Variants in ATG16L2 observed in about 807,000 individuals in gnomAD.
ATG16L2 encodes autophagy related 16 like 2.
Under a neutral mutation model 84.7 loss-of-function variants are expected in ATG16L2, and 77 were observed. The ratio of observed to expected loss-of-function variants is 0.91; its 90% CI spans 0.76 to 1.10. The LOEUF is 1.10. ATG16L2 is among the 50% of genes least tolerant of loss of function. The pLI, the probability that ATG16L2 is intolerant of heterozygous loss-of-function variation, is 0.00. For missense variants in ATG16L2, 782 were observed against 817.6 expected (o/e 0.96, Z 0.53); for synonymous variants, 361 against 342.8 (o/e 1.05, Z -0.59).
chr11:72,834,572 C>T (rs1351203280), downstream of ATG16L2, among the ~76,000 whole-genome samples: 1 of 151,956 alleles, frequency 6.6e-6, no homozygotes, highest in African/African-American at 2.4e-5. Flanking sequence ...TGGGAGATAA[C>T]CTCATTCCAT....
intron 5 of ATG16L2, chr11:72,837,668 C>T (rs1460384212): frequency 2.0e-5 from 3 of 152,232 alleles, no homozygotes; most frequent in Non-Finnish European, 4.4e-5. Context: ...CCTGGTCAAT[C>T]TGTACTTGTG....
Position 72,822,054 on chromosome 11 carries a change from C to G in ATG16L2, c.403C>G (p.Leu135Val). ...LQQRQSRLAA[L>V]EARVAQLREA... ...CTTTCCGTCCTCCAGGCTGGCAGCC[C>G]TGGAGGCCCGCGTGGCGCAGCTGCG... is the stretch of plus-strand genomic sequence containing the variant. The change falls in exon 5 of 18, where the codon CTG becomes GTG. Residue 135 changes from leucine to valine, a missense_variant. Leu to Val is a conservative substitution (Grantham distance 32, BLOSUM62 1). Transcript: ENST00000321297. The surrounding 1 kb of genome is among the most constrained non-coding windows in gnomAD (Gnocchi z 4.2). The G allele has an allele frequency of 2.0e-6, 3 of 1,517,656 alleles. No homozygotes were observed. Among genetic ancestry groups the G allele is most frequent in the Non-Finnish European group, 2.6e-6 (3 of 1,148,382 alleles). The allele number at this position is 1,517,656 out of a possible 1,614,324, so 94.0% of individuals were successfully genotyped here.
Position 72,824,129 on chromosome 11 carries a change from G to A in ATG16L2, c.887+7G>A, listed in dbSNP as rs200822228. 3.1e-6 allele frequency: 5 copies of A among 1,614,190 alleles called. No homozygotes were observed. The African/African-American group carries it at 5.3e-5, about 17-fold the overall frequency. On this transcript the variant is annotated splice_region_variant and intron_variant, in intron 8 of 17. Coordinates refer to ENST00000321297, the MANE Select transcript of ATG16L2 (RefSeq NM_033388.2). ...TGGTGAAGGGGCTTCTGGAGTAAGT[G>A]TGTGTGTGCCTGTGTGTGCACCCAC...
At position 72,817,796 on chromosome 11, in the gene ATG16L2, G is replaced by T. The variant is rs751952468; in HGVS notation, c.259G>T (p.Val87Phe). The change falls in exon 3 of 18, where the codon GTC becomes TTC. Residue 87 changes from valine (V) to phenylalanine (F), a missense_variant. By Grantham distance (50) the Val-to-Phe change is conservative (BLOSUM62 -1). Coordinates refer to ENST00000321297, the MANE Select transcript of ATG16L2 (RefSeq NM_033388.2). ...ELDSDQVPSLVALRVKWQEEE... is the reference protein window; with the variant it reads ...ELDSDQVPSLFALRVKWQEEE... ...TGACTCAGACCAAGTCCCATCACTG[G>T]TCGCACTGAGGGTGAAGTGGCAGGA... The T allele has an allele frequency of 1.9e-6, 3 of 1,613,512 alleles. No homozygotes were observed. The African/African-American group carries it at 4.0e-5, about 22-fold the overall frequency.
downstream of ATG16L2, among the ~76,000 whole-genome samples, chr11:72,834,235 C>G (rs190635340): frequency 6.6e-6 from 1 of 152,124 alleles, no homozygotes; most frequent in Admixed American, 6.5e-5. Context: ...AAAATAAATG[C>G]GAAGATTCAG....
downstream of ATG16L2, among the ~76,000 whole-genome samples, chr11:72,831,518 A>G (rs557500352): frequency 6.6e-6 from 1 of 152,246 alleles, no homozygotes; most frequent in African/African-American, 2.4e-5. Flanking sequence ...CAACAACAAA[A>G]TTCTCTTATT....
chr11:72,842,770 T>C, exon 6 of ATG16L2: 1 of 1,614,006 alleles, frequency 6.2e-7, no homozygotes, highest in Non-Finnish European at 8.5e-7. Context: ...ATACGGATTA[T>C]TGCTCCCTCA....
chr11:72,822,904 C>G lies in ATG16L2; in HGVS notation c.767C>G (p.Ala256Gly). ...GAGAGAAGGGAGACTCTGGCTCTGG[C>G]CCCTGAGCCAGAGCCCCTGGAGAAG... is the stretch of plus-strand genomic sequence containing the variant. ...MRERRETLAL[A>G]PEPEPLEKEA... The change falls in exon 7 of 18, where the codon GCC becomes GGC. Residue 256 changes from alanine to glycine, a missense_variant. Physicochemically the swap from Ala to Gly is moderately conservative, Grantham distance 60 (BLOSUM62 0). Coordinates refer to ENST00000321297, the MANE Select transcript of ATG16L2 (RefSeq NM_033388.2). This position sits in a 1 kb window ranked among gnomAD's most constrained non-coding sequence, Gnocchi z 4.2. The G allele has an allele frequency of 4.4e-6, 7 of 1,579,372 alleles. No individual in the cohort carries two copies. Among genetic ancestry groups the G allele is most frequent in the Non-Finnish European group, 6.0e-6 (7 of 1,162,420 alleles).
rs369306828 is a variant in ATG16L2, at chr11:72,824,814, G to A, written c.968G>A (p.Arg323Gln). ...YQIIPVCVAARLPTRAQDVLD... is the reference protein window; with the variant it reads ...YQIIPVCVAAQLPTRAQDVLD... ...ATCATCCCTGTGTGTGTGGCTGCCCGACTTCCTACCCGGGCTCAGGATGTG... is the reference window on the plus strand; with the variant it reads ...ATCATCCCTGTGTGTGTGGCTGCCCAACTTCCTACCCGGGCTCAGGATGTG... The change falls in exon 9 of 18, where the codon CGA becomes CAA. Residue 323 changes from arginine (R) to glutamine (Q), a missense_variant. By Grantham distance (43) the Arg-to-Gln change is conservative (BLOSUM62 1). Transcript: ENST00000321297. 17 of 1,601,980 alleles carry A rather than the reference G, an allele frequency of 1.1e-5. No individual in the cohort carries two copies. The highest frequency in any genetic ancestry group is 1.7e-4 in the Middle Eastern group (1 of 6,008).
chr11:72,822,627 C>A lies in ATG16L2; in HGVS notation c.710+84C>A. On this transcript the variant is annotated intron_variant, in intron 6 of 17. Transcript: ENST00000321297. This position sits in a 1 kb window ranked among gnomAD's most constrained non-coding sequence, Gnocchi z 4.2. ...GCGGCGACCCAGGCTGCCGACTGTA[C>A]TTGTGCACAGCCCCGTCCTGAGGCC... The A allele has an allele frequency of 6.5e-7, 1 of 1,540,108 alleles. No homozygotes were observed. The highest frequency in any genetic ancestry group is 8.8e-7 in the Non-Finnish European group (1 of 1,134,010).
Position 72,819,769 on chromosome 11 carries a change from G to A in ATG16L2, c.319-1899G>A, listed in dbSNP as rs1411620410. 1.4e-4 allele frequency among the ~76,000 whole-genome samples: 21 copies of A among 151,202 alleles called. 1 individual carries two copies. Among genetic ancestry groups the A allele is most frequent in the African/African-American group, 3.9e-4 (16 of 41,136 alleles). Reference sequence around the variant, plus strand: ...TTTCTTTCTTTTTTTTTTTTGAGACGGAGTCTCACTCTGTTGCCCAGGCTG... The same window carrying A: ...TTTCTTTCTTTTTTTTTTTTGAGACAGAGTCTCACTCTGTTGCCCAGGCTG... On this transcript the variant is annotated intron_variant, in intron 3 of 17. Coordinates refer to ENST00000321297, the MANE Select transcript of ATG16L2 (RefSeq NM_033388.2).
Position 72,822,066 on chromosome 11 carries a change from G to T in ATG16L2, c.415G>T (p.Val139Leu), listed in dbSNP as rs752286622. Residue 139 changes from valine to leucine, a missense_variant, in exon 5 of 18, where the codon GTG (valine) becomes TTG (leucine). Transcript: ENST00000321297. The surrounding 1 kb of genome is among the most constrained non-coding windows in gnomAD (Gnocchi z 4.2). ...CAGGCTGGCAGCCCTGGAGGCCCGCGTGGCGCAGCTGCGAGAGGCGCGGGC... is the reference window on the plus strand; with the variant it reads ...CAGGCTGGCAGCCCTGGAGGCCCGCTTGGCGCAGCTGCGAGAGGCGCGGGC... The part of the protein sequence containing the change: ...QSRLAALEAR[V>L]AQLREARAQQ... The T allele has an allele frequency of 5.3e-6, 8 of 1,521,222 alleles. No homozygotes were observed. Among genetic ancestry groups the T allele is most frequent in the Non-Finnish European group, 7.0e-6 (8 of 1,149,948 alleles). 94.2% of individuals were successfully genotyped at this position (1,521,222 alleles called of 1,614,324 possible).
At chr11:72,823,981 C>T in intron 7 of ATG16L2, 79 bp from the exon 8 acceptor site, 2 of 1,524,956 alleles carry the variant, frequency 1.3e-6, no homozygotes, top group East Asian at 2.3e-5. Flanking sequence ...AGGTCTCTGG[C>T]AAAGTGTGGA....
chr11:72,823,714 C>A (rs934971215), intron 7 of ATG16L2: 19 of 479,128 alleles, frequency 4.0e-5, no homozygotes, highest in Middle Eastern at 3.1e-4. Flanking sequence ...TAGGCTCCCC[C>A]CTCCTCCCAT....
rs2135106134 is a variant in ATG16L2, at chr11:72,824,075, C to T, written c.840C>T (p.Thr280=). 1 of 1,614,236 alleles carries T rather than the reference C, an allele frequency of 6.2e-7. No individual in the cohort carries two copies. The highest frequency in any genetic ancestry group is 1.1e-5 in the South Asian group (1 of 91,088). Residue 280 remains threonine, a synonymous_variant, in exon 8 of 18, where the codon ACC becomes ACT. Coordinates refer to ENST00000321297, the MANE Select transcript of ATG16L2 (RefSeq NM_033388.2). Reference sequence around the variant, plus strand: ...TTTGTCTCAGGTCTGCCTCAGCCACCTCCCTGACGCTGTCCCACTGTGTGG... The same window carrying T: ...TTTGTCTCAGGTCTGCCTCAGCCACTTCCCTGACGCTGTCCCACTGTGTGG... ...WKRPFRSASA[T]SLTLSHCVDV... is the part of the protein sequence containing the mutation.
chr11:72,843,035 G>C, exon 6 of ATG16L2: 1 of 1,046,872 alleles, frequency 9.6e-7, no homozygotes, highest in Non-Finnish European at 1.4e-6. Flanking sequence ...ATAAAGAAAA[G>C]CATATTATAG....
chr11:72,828,639 C>G, intron 15 of ATG16L2, 90 bp from the exon 16 acceptor site: 1 of 1,595,882 alleles, frequency 6.3e-7, no homozygotes, highest in Non-Finnish European at 8.6e-7. Context: ...GTACCAAACC[C>G]CTCGACAAAG....
intron 7 of ATG16L2, chr11:72,823,384 T>C (rs1306653187): frequency 5.9e-6 from 2 of 338,326 alleles, no homozygotes; most frequent in Admixed American, 8.4e-5. Context: ...TATGTGTGAA[T>C]ATATAAGCAT....
chr11:72,838,578 A>C (rs953831920), intron 5 of ATG16L2: 1 of 579,528 alleles, frequency 1.7e-6, no homozygotes, highest in Non-Finnish European at 3.1e-6. Context: ...GTGCTATGGT[A>C]GGAGAAATGA....
Sources: gnomAD v4.1 joint callset for allele counts (sites outside exome capture counted in the v4.1 genomes callset) on GRCh38, gnomAD v4.1.1 for gene constraint, Gnocchi (gnomAD v3.1) non-coding constraint, MANE v1.5 for transcripts, NCBI Gene and HGNC (gene_info 2026-07-23, HGNC 2026-07-21) for gene names.